CHRM2: variants seen among roughly 807,000 people sequenced by gnomAD.
CHRM2 encodes cholinergic receptor muscarinic 2, also known as muscarinic acetylcholine receptor M2.
In CHRM2, 8 loss-of-function variants were observed where a neutral mutation model predicts 25.0. That is an observed-to-expected ratio of 0.32 (90% CI 0.19 to 0.58). The LOEUF (loss-of-function observed/expected upper bound fraction) is 0.58, where lower values mean the gene tolerates loss of function less well. Among genes scored for constraint, CHRM2 ranks in the 20% least tolerant of loss-of-function variants. CHRM2 has a pLI of 0.88. For synonymous variants in CHRM2, 202 were observed against 205.7 expected (o/e 0.98, Z 0.15); for missense variants, 440 against 567.1 (o/e 0.78, Z 2.28).
At chr7:136,909,696 A>G (rs1797736126) in intron 2 of CHRM2, among the ~76,000 whole-genome samples, 1 of 151,926 alleles carries the variant, frequency 6.6e-6, no homozygotes, top group African/African-American at 2.4e-5. Flanking sequence ...AAGCATGTTT[A>G]TATAGAGTCT....
chr7:136,876,702 G>C (rs1796065298), intron 2 of CHRM2, among the ~76,000 whole-genome samples: 1 of 151,996 alleles, frequency 6.6e-6, no homozygotes, highest in East Asian at 1.9e-4. Context: ...CTGTAGTAAC[G>C]AGGCAGTCTT....
At chr7:136,876,085 A>G (rs1282957124) in intron 2 of CHRM2, among the ~76,000 whole-genome samples, 1 of 152,166 alleles carries the variant, frequency 6.6e-6, no homozygotes, top group African/African-American at 2.4e-5. Flanking sequence ...CATGTGCACC[A>G]CCTGGTGCCC....
intron 3 of CHRM2, among the ~76,000 whole-genome samples, chr7:137,010,016 A>G (rs2131105582): frequency 6.6e-6 from 1 of 152,162 alleles, no homozygotes; most frequent in East Asian, 1.9e-4. Context: ...TAACATTAAC[A>G]GCATTTGTTT....
chr7:136,926,157 A>G (rs1379553524), intron 2 of CHRM2, among the ~76,000 whole-genome samples: 1 of 152,140 alleles, frequency 6.6e-6, no homozygotes, highest in East Asian at 1.9e-4. Context: ...GATTGCTTAA[A>G]CCTGGGAGGT....
At chr7:136,892,595 A>G (rs1796733738) in intron 2 of CHRM2, among the ~76,000 whole-genome samples, 1 of 152,214 alleles carries the variant, frequency 6.6e-6, no homozygotes, top group South Asian at 2.1e-4. Context: ...AAGACAAAGA[A>G]AGGTTACACA....
At chr7:137,013,448 T>C (rs1298410634) in intron 3 of CHRM2, among the ~76,000 whole-genome samples, 1 of 152,008 alleles carries the variant, frequency 6.6e-6, no homozygotes, top group East Asian at 1.9e-4. Context: ...ATTAATAGCA[T>C]CCAAACTAAT....
At chr7:137,006,524 A>G (rs1465860654) in intron 3 of CHRM2, among the ~76,000 whole-genome samples, 1 of 152,132 alleles carries the variant, frequency 6.6e-6, no homozygotes, top group African/African-American at 2.4e-5. Flanking sequence ...TTACACTGTA[A>G]TAAGTCCTTG....
intron 2 of CHRM2, among the ~76,000 whole-genome samples, chr7:136,897,560 C>T (rs576573699): frequency 2.0e-5 from 3 of 151,926 alleles, no homozygotes; most frequent in African/African-American, 7.2e-5. Flanking sequence ...AATAGTTTAT[C>T]TTTTATTAAT....
chr7:137,001,584 G>A (rs1475068847), intron 3 of CHRM2, among the ~76,000 whole-genome samples: 1 of 152,100 alleles, frequency 6.6e-6, no homozygotes, highest in African/African-American at 2.4e-5. Context: ...TCTGGTTGGG[G>A]GATGCACAGA....
intron 2 of CHRM2, among the ~76,000 whole-genome samples, chr7:136,949,526 GCT>G (rs1800272327): frequency 6.6e-6 from 1 of 151,706 alleles, no homozygotes; most frequent in Non-Finnish European, 1.5e-5. Context: ...TACTTTGGAG[GCT>G]GAGGTGGGAG....
intron 2 of CHRM2, among the ~76,000 whole-genome samples, chr7:136,884,577 G>A (rs1796390149): frequency 6.6e-6 from 1 of 151,802 alleles, no homozygotes; most frequent in Non-Finnish European, 1.5e-5. Flanking sequence ...AGGAACTGGT[G>A]TTTTCTGAGA....
intron 3 of CHRM2, among the ~76,000 whole-genome samples, chr7:137,000,886 GTT>G (rs1378197348): frequency 1.3e-5 from 2 of 152,044 alleles, no homozygotes; most frequent in Admixed American, 6.6e-5. Flanking sequence ...TGAAAATATT[GTT>G]TGAGTTTTAT....
chr7:137,019,014 A>G lies in CHRM2; in HGVS notation c.*2748A>G, dbSNP rs1244558094. On this transcript the variant is annotated 3_prime_UTR_variant, in exon 4 of 4. Transcript: ENST00000680005. The stretch of plus-strand genomic sequence containing the variant: ...GAGGAATGCTATTGGTATCTAGTGC[A>G]TAGAGGCTGGGAATGCTGCTAAATA... The G allele has an allele frequency of 2.0e-5, 3 of 152,032 alleles. No individual in the cohort carries two copies. The highest frequency in any genetic ancestry group is 4.4e-5 in the Non-Finnish European group (3 of 67,916). The allele number at this position is 152,032 out of a possible 1,614,324, so 9.4% of individuals were successfully genotyped here.
intron 2 of CHRM2, among the ~76,000 whole-genome samples, chr7:136,905,078 T>C (rs551354549): frequency 5.9e-4 from 89 of 152,122 alleles, no homozygotes; most frequent in African/African-American, 1.9e-3. Flanking sequence ...TTGTTCTTTT[T>C]TGTATAATAA....
At chr7:136,886,563 C>T (rs143328217) in intron 2 of CHRM2, among the ~76,000 whole-genome samples, 151 of 152,168 alleles carry the variant, frequency 9.9e-4, no homozygotes, top group African/African-American at 3.4e-3. Context: ...TTTTATGTAG[C>T]GGTTCTAATT....
intron 2 of CHRM2, among the ~76,000 whole-genome samples, chr7:136,925,422 T>C (rs12536267): frequency 0.24 from 36,293 of 152,146 alleles, 5,698 homozygotes; most frequent in Non-Finnish European, 0.35. Flanking sequence ...AACATATACT[T>C]AATACTACAG....
chr7:137,007,973 A>T lies in CHRM2; in HGVS notation c.-46-6847A>T, dbSNP rs551669512. ...CATAATCTCAAAGCCTATTTAACAC[A>T]TTCACTAATGCAGTTTATAAATTAG... On this transcript the variant is annotated intron_variant, in intron 3 of 3. Transcript: ENST00000680005. 7.9e-5 allele frequency among the ~76,000 whole-genome samples: 12 copies of T among 152,246 alleles called. 1 individual carries two copies. The South Asian group carries it at 2.5e-3, about 32-fold the overall frequency.
At chr7:136,996,613 C>A (rs1439805534) in intron 3 of CHRM2, among the ~76,000 whole-genome samples, 1 of 151,974 alleles carries the variant, frequency 6.6e-6, no homozygotes, top group East Asian at 1.9e-4. Flanking sequence ...AAATCATGTA[C>A]AAGGAAGTTT....
intron 2 of CHRM2, among the ~76,000 whole-genome samples, chr7:136,904,520 T>G (rs1471829841): frequency 6.6e-6 from 1 of 151,932 alleles, no homozygotes; most frequent in Non-Finnish European, 1.5e-5. Flanking sequence ...GTTTTTCTCA[T>G]GCTTTTTTGC....
Sources: gnomAD v4.1 joint callset for allele counts (sites outside exome capture counted in the v4.1 genomes callset) on GRCh38, gnomAD v4.1.1 for gene constraint, MANE v1.5 for transcripts, NCBI Gene and HGNC (gene_info 2026-07-23, HGNC 2026-07-21) for gene names.